Variants in TBL1Y observed in about 807,000 individuals in gnomAD.
TBL1Y encodes F-box-like/WD repeat-containing protein TBL1Y.
A neutral mutation model predicts 12.0 loss-of-function variants in TBL1Y; 15 were observed. The observed-to-expected ratio is 1.25, with a 90% CI of 0.83 to 1.92. TBL1Y has a LOEUF of 1.92. Ranked by LOEUF, TBL1Y falls within the 40% of genes most tolerant of loss-of-function variation. The pLI, the probability that TBL1Y is intolerant of heterozygous loss-of-function variation, is 0.00. For missense variants in TBL1Y, 148 were observed against 116.7 expected (o/e 1.27, Z -1.24); for synonymous variants, 53 against 42.6 (o/e 1.24, Z -0.95).
chrY:6,988,011 G>A, intron 3 of TBL1Y, among the ~76,000 whole-genome samples: 1 of 33,251 alleles, frequency 3.0e-5, no homozygotes, highest in African/African-American at 1.2e-4. Context: ...TCTAGGAACA[G>A]GTTTATGCAT....
intron 4 of TBL1Y, among the ~76,000 whole-genome samples, chrY:7,001,750 T>C: frequency 1.5e-4 from 5 of 34,463 alleles, no homozygotes; most frequent in African/African-American, 5.6e-4. Flanking sequence ...ATAAAAGATA[T>C]ATCTTTTTAT....
chrY:6,920,132 A>G, intron 2 of TBL1Y: 2 of 33,541 alleles, frequency 6.0e-5, no homozygotes, highest in African/African-American at 2.3e-4. Context: ...AAGAAACCAC[A>G]GTGAAAAAAA....
intron 3 of TBL1Y, among the ~76,000 whole-genome samples, chrY:6,987,043 G>A (rs2012323448): frequency 3.0e-5 from 1 of 32,978 alleles, no homozygotes; most frequent in African/African-American, 1.2e-4. Context: ...TGGTTGCATG[G>A]GTACTTGAGG....
chrY:7,063,303 C>G, intron 7 of TBL1Y, among the ~76,000 whole-genome samples: 1 of 34,024 alleles, frequency 2.9e-5, no homozygotes, highest in Admixed American at 2.6e-4. Flanking sequence ...ACAGATGGAG[C>G]AATGGTGAGC....
At chrY:7,035,579 A>G in intron 6 of TBL1Y, among the ~76,000 whole-genome samples, 1 of 34,305 alleles carries the variant, frequency 2.9e-5, no homozygotes, top group Non-Finnish European at 7.3e-5. Context: ...TAGACTGCAT[A>G]AAGAAAATTA....
chrY:6,954,703 C>T (rs2012058478), intron 2 of TBL1Y, among the ~76,000 whole-genome samples: 1 of 33,608 alleles, frequency 3.0e-5, no homozygotes, highest in Non-Finnish European at 7.4e-5. Flanking sequence ...GTGAGATGAA[C>T]CCGGTACCTC....
At chrY:6,921,061 C>T (rs756418152) in intron 2 of TBL1Y, among the ~76,000 whole-genome samples, 20 of 32,297 alleles carry the variant, frequency 6.2e-4, no homozygotes, top group African/African-American at 2.2e-3. Context: ...CAAAGGGGGA[C>T]GTGGGAATAA....
intron 2 of TBL1Y, among the ~76,000 whole-genome samples, chrY:6,922,311 C>G (rs867319603): frequency 1.0e-3 from 35 of 34,345 alleles, no homozygotes; most frequent in Middle Eastern, 0.014. Flanking sequence ...CAGGTTGCTG[C>G]TGCTGGCTAT....
intron 4 of TBL1Y, among the ~76,000 whole-genome samples, chrY:7,019,334 A>G: frequency 3.0e-5 from 1 of 33,815 alleles, no homozygotes; most frequent in African/African-American, 1.1e-4. Flanking sequence ...ATTATTTTTG[A>G]CATGTTGCAT....
chrY:6,915,543 T>C, intron 2 of TBL1Y, among the ~76,000 whole-genome samples: 1 of 33,627 alleles, frequency 3.0e-5, no homozygotes, highest in African/African-American at 1.2e-4. Flanking sequence ...AGAGGTGAAT[T>C]CCCAGATTAA....
intron 7 of TBL1Y, among the ~76,000 whole-genome samples, chrY:7,049,833 T>C: frequency 8.8e-5 from 3 of 33,972 alleles, no homozygotes; most frequent in Non-Finnish European, 2.2e-4. Flanking sequence ...TGATGGTAGT[T>C]TCTTTTGCTA....
chrY:6,974,715 C>A (rs2012227295), intron 2 of TBL1Y, among the ~76,000 whole-genome samples: 1 of 33,967 alleles, frequency 2.9e-5, no homozygotes, highest in Non-Finnish European at 7.3e-5. Flanking sequence ...CTTTTTGACA[C>A]TTAAAAATTG....
At chrY:7,057,793 T>C (rs757863519) in intron 7 of TBL1Y, among the ~76,000 whole-genome samples, 4 of 33,855 alleles carry the variant, frequency 1.2e-4, no homozygotes, top group African/African-American at 4.6e-4. Context: ...TCTGCTAATA[T>C]CATGTCTAAG....
chrY:6,914,120 A>G (rs2011717291), intron 2 of TBL1Y, among the ~76,000 whole-genome samples: 1 of 33,453 alleles, frequency 3.0e-5, no homozygotes, highest in African/African-American at 1.2e-4. Flanking sequence ...ACTGTTGGCC[A>G]GGTATGGTGG....
Position 7,064,077 on chromosome Y carries a change from A to G in TBL1Y, c.385A>G (p.Ile129Val). 2.5e-6 allele frequency: 1 copy of G among 398,271 alleles called. No homozygotes were observed. The highest frequency in any genetic ancestry group is 3.5e-6 in the Non-Finnish European group (1 of 283,382). ...GGCGGCAACCATGACCCCAGCTGCT[A>G]TTTCCCAGCAAAATCCTCCAAAGAA... ...AKAATMTPAAISQQNPPKNRE... is the reference protein window; with the variant it reads ...AKAATMTPAAVSQQNPPKNRE... The change falls in exon 8 of 19, where the codon ATT (isoleucine) becomes GTT (valine). Residue 129 changes from isoleucine to valine, a missense_variant. By Grantham distance (29) the Ile-to-Val change is conservative. Coordinates refer to ENST00000383032, the MANE Select transcript of TBL1Y (RefSeq NM_033284.2).
At chrY:6,942,973 C>T (rs2011962733) in intron 2 of TBL1Y, among the ~76,000 whole-genome samples, 2 of 32,422 alleles carry the variant, frequency 6.2e-5, no homozygotes, top group African/African-American at 1.2e-4. Context: ...CAGAATGAGA[C>T]ACTGTCTCTT....
chrY:6,966,033 A>G (rs2012166606), intron 2 of TBL1Y, among the ~76,000 whole-genome samples: 3 of 33,023 alleles, frequency 9.1e-5, no homozygotes, highest in Non-Finnish European at 2.2e-4. Context: ...TTACATGTCT[A>G]TGTAAATCGA....
At chrY:7,046,113 G>C (rs2012756644) in intron 7 of TBL1Y, among the ~76,000 whole-genome samples, 1 of 32,899 alleles carries the variant, frequency 3.0e-5, no homozygotes, top group Non-Finnish European at 7.4e-5. Flanking sequence ...TGTCCTCATG[G>C]TGGCACCTTT....
intron 3 of TBL1Y, among the ~76,000 whole-genome samples, chrY:6,986,185 T>C: frequency 6.2e-5 from 2 of 32,143 alleles, no homozygotes; most frequent in Admixed American, 5.9e-4. Context: ...TCTCACCCCA[T>C]CCAAGAACTC....
Sources: allele counts gnomAD v4.1 joint callset (sites outside exome capture counted in the v4.1 genomes callset), GRCh38; gene constraint gnomAD v4.1.1; transcripts MANE v1.5; gene names NCBI Gene and HGNC (gene_info 2026-07-23, HGNC 2026-07-21).